PTPRM: variants seen among roughly 807,000 people sequenced by gnomAD.
PTPRM encodes receptor-type tyrosine-protein phosphatase mu.
A neutral mutation model predicts 186.7 loss-of-function variants in PTPRM; 47 were observed. The ratio of observed to expected loss-of-function variants is 0.25; its 90% CI spans 0.20 to 0.32. The LOEUF is 0.32. Ranked by LOEUF, PTPRM falls within the 10% of genes least tolerant of loss-of-function variation. The probability of loss-of-function intolerance (pLI) is 1.00; values close to 1 mark genes in which losing one functional copy is unlikely to be tolerated. For synonymous variants in PTPRM, 668 were observed against 674.9 expected, an observed-to-expected ratio of 0.99 and a Z score of 0.16; for missense variants, 1,494 against 1,865.0, an observed-to-expected ratio of 0.80 and a Z score of 3.66.
chr18:7,706,528 G>C (rs1196522742), intron 1 of PTPRM, among the ~76,000 whole-genome samples: 1 of 148,158 alleles, frequency 6.7e-6, no homozygotes, highest in Non-Finnish European at 1.5e-5. Flanking sequence ...CTTGGGCCTG[G>C]GAGGTCAAAG....
At chr18:8,211,377 C>CTTTTTTTTTTTTTTTTT (rs970926126) in intron 14 of PTPRM, among the ~76,000 whole-genome samples, 94 of 87,212 alleles carry the variant, frequency 1.1e-3, no homozygotes, top group Non-Finnish European at 1.2e-3. Context: ...GTCTCTTCTT[C>CTTTTTTTTTTTTTTTTT]TTTTTTTTTT....
intron 1 of PTPRM, among the ~76,000 whole-genome samples, chr18:7,612,449 T>C (rs997242354): frequency 2.0e-5 from 3 of 152,210 alleles, no homozygotes; most frequent in Non-Finnish European, 4.4e-5. Context: ...TTTATCGCAC[T>C]TTCTATGATT....
intron 1 of PTPRM, among the ~76,000 whole-genome samples, chr18:7,694,428 TTCC>T (rs1281780247): frequency 9.2e-4 from 104 of 112,954 alleles, no homozygotes; most frequent in African/African-American, 4.2e-3. Flanking sequence ...TCTTCCTTCC[TTCC>T]TTTTTTTTTT....
chr18:7,923,583 A>C (rs56082106), intron 4 of PTPRM, among the ~76,000 whole-genome samples: 40,825 of 152,134 alleles, frequency 0.27, 5,847 homozygotes, highest in East Asian at 0.44. Context: ...CCACTAAATA[A>C]CCAGAGATAA....
chr18:8,355,370 G>T (rs1195601888), intron 23 of PTPRM, among the ~76,000 whole-genome samples: 1 of 152,104 alleles, frequency 6.6e-6, no homozygotes, highest in East Asian at 1.9e-4. Flanking sequence ...GGCAAAGGAG[G>T]GAGGGAAGGT....
Position 7,719,889 on chromosome 18 carries a change from A to T in PTPRM, c.74-54260A>T, listed in dbSNP as rs4798589. Among the ~76,000 whole-genome samples, 241 of 152,342 alleles carry T rather than the reference A, an allele frequency of 1.6e-3. 3 individuals carry two copies. The highest frequency in any genetic ancestry group is 0.014 in the Admixed American group (215 of 15,300). On this transcript the variant is annotated intron_variant, in intron 1 of 32. Coordinates refer to ENST00000580170, the MANE Select transcript of PTPRM (RefSeq NM_001105244.2). ...AAAATAATTCAAATAAGATAGCAGA[A>T]TATAAAATTAACATACAAAAGTCAA...
At chr18:7,733,625 G>T (rs899495681) in intron 1 of PTPRM, among the ~76,000 whole-genome samples, 1 of 152,124 alleles carries the variant, frequency 6.6e-6, no homozygotes, top group African/African-American at 2.4e-5. Context: ...TGGGTCAAAT[G>T]GTATTTCTGG....
chr18:7,724,846 A>G (rs775794747), intron 1 of PTPRM, among the ~76,000 whole-genome samples: 4 of 152,214 alleles, frequency 2.6e-5, no homozygotes, highest in Non-Finnish European at 5.9e-5. Flanking sequence ...AATTACTCTT[A>G]TAGTAGTGCT....
chr18:8,358,598 C>G (rs182396348), intron 23 of PTPRM, among the ~76,000 whole-genome samples: 140 of 152,294 alleles, frequency 9.2e-4, no homozygotes, highest in African/African-American at 2.9e-3. Context: ...ATCAGGTGAC[C>G]TCTCCGCCTA....
At chr18:7,855,193 A>G (rs1388421316) in intron 2 of PTPRM, among the ~76,000 whole-genome samples, 1 of 152,080 alleles carries the variant, frequency 6.6e-6, no homozygotes. Context: ...TTACATTGTT[A>G]TTATTAGAAT....
At chr18:7,703,637 C>T (rs977227597) in intron 1 of PTPRM, among the ~76,000 whole-genome samples, 2 of 152,166 alleles carry the variant, frequency 1.3e-5, no homozygotes, top group Non-Finnish European at 1.5e-5. Flanking sequence ...ATTTGACTTC[C>T]TCTCTTCCTA....
Position 8,039,390 on chromosome 18 carries a change from ATACTTGTTTT to A in PTPRM, c.1133-30294_1133-30285del, listed in dbSNP as rs2086549578. Among the ~76,000 whole-genome samples, 4 of 152,238 alleles carry A rather than the reference ATACTTGTTTT, an allele frequency of 2.6e-5. No individual in the cohort carries two copies. The South Asian group carries it at 8.3e-4, about 32-fold the overall frequency. ...ATGTTGTTTTAGAATCATTGCTTTTATACTTGTTTTTCTTAAAAATACTTAAGTATACCAG... is the reference window on the plus strand; with the variant it reads ...ATGTTGTTTTAGAATCATTGCTTTTATCTTAAAAATACTTAAGTATACCAG... On this transcript the variant is annotated intron_variant, in intron 7 of 32. Transcript: ENST00000580170.
At chr18:7,617,074 A>T (rs566847250) in intron 1 of PTPRM, among the ~76,000 whole-genome samples, 1 of 152,166 alleles carries the variant, frequency 6.6e-6, no homozygotes, top group African/African-American at 2.4e-5. Context: ...TAGAAATAGA[A>T]TTCACAGCAG....
intron 7 of PTPRM, among the ~76,000 whole-genome samples, chr18:7,991,777 G>GA (rs2083281224): frequency 1.3e-5 from 2 of 152,012 alleles, no homozygotes; most frequent in Admixed American, 6.6e-5. Flanking sequence ...CTGATTCCCA[G>GA]AAAAAAATGA....
intron 14 of PTPRM, among the ~76,000 whole-genome samples, chr18:8,167,766 G>A (rs555798192): frequency 2.6e-5 from 4 of 152,300 alleles, no homozygotes; most frequent in Admixed American, 6.5e-5. Flanking sequence ...AAACAGACAC[G>A]GTTAGTATGT....
chr18:8,325,754 A>G (rs2095371925), intron 22 of PTPRM, among the ~76,000 whole-genome samples: 1 of 152,084 alleles, frequency 6.6e-6, no homozygotes, highest in Non-Finnish European at 1.5e-5. Flanking sequence ...GAAATTTCCC[A>G]CACTGCTTTC....
chr18:7,587,518 C>G (rs1598466111), intron 1 of PTPRM, among the ~76,000 whole-genome samples: 1 of 151,964 alleles, frequency 6.6e-6, no homozygotes, highest in African/African-American at 2.4e-5. Context: ...CAAGTAGTCT[C>G]AAAAGGATTT....
chr18:8,080,823 T>G (rs935431946), intron 9 of PTPRM, among the ~76,000 whole-genome samples: 1 of 152,166 alleles, frequency 6.6e-6, no homozygotes, highest in African/African-American at 2.4e-5. Context: ...GTATATGAAA[T>G]TGTCTCTTCG....
At chr18:7,700,888 A>G (rs2039945307) in intron 1 of PTPRM, among the ~76,000 whole-genome samples, 1 of 148,784 alleles carries the variant, frequency 6.7e-6, no homozygotes. Flanking sequence ...TAAGTGTGAG[A>G]ATTGCTTGAG....
Sources: gnomAD v4.1 joint callset for allele counts (sites outside exome capture counted in the v4.1 genomes callset) on GRCh38, gnomAD v4.1.1 for gene constraint, MANE v1.5 for transcripts, NCBI Gene and HGNC (gene_info 2026-07-23, HGNC 2026-07-21) for gene names.